The following TMEM18 variants were observed in gnomAD, a reference collection of about 807,000 sequenced individuals.
TMEM18 encodes transmembrane protein 18.
TMEM18 carries 14 observed loss-of-function variants against 17.4 expected under a neutral mutation model. That is an observed-to-expected ratio of 0.80 (90% CI 0.53 to 1.25). The LOEUF (loss-of-function observed/expected upper bound fraction) is 1.25, where lower values mean the gene tolerates loss of function less well. Among genes scored for constraint, TMEM18 ranks in the 50% most tolerant of loss-of-function variants. The pLI, the probability that TMEM18 is intolerant of heterozygous loss-of-function variation, is 0.00. For synonymous variants in TMEM18, 86 were observed against 66.1 expected (o/e 1.30, Z -1.46); for missense variants, 187 against 172.1 (o/e 1.09, Z -0.48).
Position 663,903 on chromosome 2 carries a change from G to C in TMEM18, c.*5677C>G, listed in dbSNP as rs944091611. Reference sequence around the variant, plus strand: ...TTAAAGAGCAAAAAAGCCAACATGAGTAACTTTATTTATAAAGGTGTCACA... The same window carrying C: ...TTAAAGAGCAAAAAAGCCAACATGACTAACTTTATTTATAAAGGTGTCACA... On this transcript the variant is annotated 3_prime_UTR_variant, in exon 5 of 5. Transcript: ENST00000281017. Among the ~76,000 whole-genome samples the C allele has an allele frequency of 2.6e-5, 4 of 152,212 alleles. No individual in the cohort carries two copies. Among genetic ancestry groups the C allele is most frequent in the Non-Finnish European group, 5.9e-5 (4 of 68,040 alleles).
chr2:669,596 C>T lies in TMEM18; in HGVS notation c.407G>A (p.Arg136Lys), dbSNP rs1678783508. 1.9e-6 allele frequency: 3 copies of T among 1,614,202 alleles called. No individual in the cohort carries two copies. Among genetic ancestry groups the T allele is most frequent in the Non-Finnish European group, 2.5e-6 (3 of 1,180,040 alleles). The change falls in exon 5 of 5, where the codon AGA becomes AAA. Residue 136 changes from arginine (R) to lysine (K), a missense_variant. Coordinates refer to ENST00000281017, the MANE Select transcript of TMEM18 (RefSeq NM_152834.4). Reference protein sequence around the residue: ...AQERRKEKKRRRKED With the variant: ...AQERRKEKKRKRKED ...TGCTGCCCCTCAGTCTTCTTTCCTT[C>T]TCCTTTTCTTTTCCTTTCTTCTCTC... is the stretch of plus-strand genomic sequence containing the variant.
chr2:673,595 T>C (rs1465961230), intron 2 of TMEM18, among the ~76,000 whole-genome samples: 1 of 152,186 alleles, frequency 6.6e-6, no homozygotes, highest in Non-Finnish European at 1.5e-5. Context: ...AAAAATCCTT[T>C]CATTCTTCTT....
intron 2 of TMEM18, among the ~76,000 whole-genome samples, chr2:673,925 C>T (rs1004380169): frequency 1.1e-4 from 16 of 151,766 alleles, no homozygotes; most frequent in Admixed American, 5.9e-4. Context: ...GTGGTAGGCA[C>T]GGGAGGAAGG....
At chr2:671,408 C>CCCAGTGAGCCGCT (rs1264642735) in intron 3 of TMEM18, among the ~76,000 whole-genome samples, 12 of 143,834 alleles carry the variant, frequency 8.3e-5, no homozygotes, top group African/African-American at 2.9e-4. Flanking sequence ...AGGCAGGGTC[C>CCCAGTGAGCCGCT]TCCTGGGACT....
At chr2:676,487 A>C in intron 1 of TMEM18, 2 of 1,323,452 alleles carry the variant, frequency 1.5e-6, no homozygotes, top group East Asian at 2.7e-5. Flanking sequence ...CTGTGTCACT[A>C]CTCTCTGCTG....
At chr2:669,880 T>C in intron 3 of TMEM18, 30 bp from the exon 4 acceptor site, 1 of 1,564,424 alleles carries the variant, frequency 6.4e-7, no homozygotes, top group Non-Finnish European at 8.7e-7. Flanking sequence ...AAAAAATTAC[T>C]AGGCAATACA....
rs1678659164 is a variant in TMEM18, at chr2:665,436, G to C, written c.*4144C>G. 1.3e-5 allele frequency among the ~76,000 whole-genome samples: 2 copies of C among 151,092 alleles called. No individual in the cohort carries two copies. The highest frequency in any genetic ancestry group is 6.6e-5 in the Admixed American group (1 of 15,156). ...TCAACCCCACATACAACAGGACCCA[G>C]AGATGCAGATGCTCCACTCACTCAG... On this transcript the variant is annotated 3_prime_UTR_variant, in exon 5 of 5. Coordinates refer to ENST00000281017, the MANE Select transcript of TMEM18 (RefSeq NM_152834.4).
At chr2:676,362 G>C in intron 1 of TMEM18, 1 of 1,420,600 alleles carries the variant, frequency 7.0e-7, no homozygotes, top group Non-Finnish European at 9.3e-7. Flanking sequence ...CCCTCCTTGA[G>C]CGCCCTCCTG....
At position 664,920 on chromosome 2, in the gene TMEM18, AAAT is replaced by A. The variant is rs545121500; in HGVS notation, c.*4657_*4659del. ...AATGTGTTTACTATGCAGGCATTGA[AAAT>A]AATGTTATATAGTGAAATAGCATCA... On this transcript the variant is annotated 3_prime_UTR_variant, in exon 5 of 5. Coordinates refer to ENST00000281017, the MANE Select transcript of TMEM18 (RefSeq NM_152834.4). Among the ~76,000 whole-genome samples, 906 of 152,360 alleles carry A rather than the reference AAAT, an allele frequency of 5.9e-3. 5 individuals are homozygous for A. The highest frequency in any genetic ancestry group is 0.011 in the Non-Finnish European group (727 of 68,036).
chr2:676,250 G>A (rs1659201674), intron 1 of TMEM18: 1 of 1,427,264 alleles, frequency 7.0e-7, no homozygotes, highest in Admixed American at 2.1e-5. Flanking sequence ...TGGGGACAGT[G>A]TCTGGCTCAG....
chr2:668,652 A>C lies in TMEM18; in HGVS notation c.*928T>G, dbSNP rs988812984. ...ATATCTGGGTCTCTAACCACCTGTC[A>C]TTCTTAAACTACAGGTCCACATTTG... On this transcript the variant is annotated 3_prime_UTR_variant, in exon 5 of 5. Coordinates refer to ENST00000281017, the MANE Select transcript of TMEM18 (RefSeq NM_152834.4). The C allele has an allele frequency of 2.0e-5, 3 of 152,246 alleles. No homozygotes were observed. The highest frequency in any genetic ancestry group is 7.2e-5 in the African/African-American group (3 of 41,454). The allele number at this position is 152,246 out of a possible 1,614,324, so 9.4% of individuals were successfully genotyped here.
At chr2:676,000 A>G in intron 1 of TMEM18, 1 of 1,306,300 alleles carries the variant, frequency 7.7e-7, no homozygotes, top group South Asian at 1.3e-5. Context: ...ATTGGTTATG[A>G]TAATTGGTGA....
rs1558180661 is a variant in TMEM18, at chr2:671,410, C to CAGTGAGCCG, written c.233+1397_233+1398insCGGCTCACT. 8.0e-4 allele frequency among the ~76,000 whole-genome samples: 114 copies of CAGTGAGCCG among 142,912 alleles called. 1 individual carries two copies. Among genetic ancestry groups the CAGTGAGCCG allele is most frequent in the African/African-American group, 2.6e-3 (96 of 37,490 alleles). The allele number at this position is 142,912 out of a possible 152,430, so 93.8% of individuals were successfully genotyped here. A position where few individuals can be genotyped will look rare whatever the true frequency, so the allele number is the denominator to read the frequency against. On this transcript the variant is annotated intron_variant, in intron 3 of 4. Coordinates refer to ENST00000281017, the MANE Select transcript of TMEM18 (RefSeq NM_152834.4). ...CATCCGGGAGGAGAGGCAGGGTCCT[C>CAGTGAGCCG]CTGGGACTGAACCATGTGAAGGCCC... is the stretch of plus-strand genomic sequence containing the variant.
intron 3 of TMEM18, among the ~76,000 whole-genome samples, chr2:672,264 C>T (rs1400339794): frequency 6.6e-6 from 1 of 152,206 alleles, no homozygotes; most frequent in Non-Finnish European, 1.5e-5. Context: ...CTGTGTGGTT[C>T]AACCTGGGCA....
At chr2:676,769 G>C in intron 1 of TMEM18, 1 of 890,356 alleles carries the variant, frequency 1.1e-6, no homozygotes, top group South Asian at 1.7e-5. Context: ...GCTCCACCAC[G>C]CACGCCCCGC....
rs1678621777 is a variant in TMEM18, at chr2:664,388, A to G, written c.*5192T>C. 6.6e-6 allele frequency among the ~76,000 whole-genome samples: 1 copy of G among 152,244 alleles called. No homozygotes were observed. Among genetic ancestry groups the G allele is most frequent in the Non-Finnish European group, 1.5e-5 (1 of 68,050 alleles). On this transcript the variant is annotated 3_prime_UTR_variant, in exon 5 of 5. Coordinates refer to ENST00000281017, the MANE Select transcript of TMEM18 (RefSeq NM_152834.4). ...AAGCCAAACTACAGACTAGTAACACATATTTCTGCCCTATATGTGTTACCA... is the reference window on the plus strand; with the variant it reads ...AAGCCAAACTACAGACTAGTAACACGTATTTCTGCCCTATATGTGTTACCA...
chr2:676,910 G>A, intron 1 of TMEM18: 1 of 505,682 alleles, frequency 2.0e-6, no homozygotes, highest in Non-Finnish European at 3.5e-6. Flanking sequence ...ACGCCCGCAC[G>A]GTGCAGGACG....
Position 667,412 on chromosome 2 carries a change from T to C in TMEM18, c.*2168A>G, listed in dbSNP as rs1283924140. The stretch of plus-strand genomic sequence containing the variant: ...CAGGTTTGGAATGTGAAAAATAATT[T>C]TGATCCCAAACCTCCTTTCCTGTAC... On this transcript the variant is annotated 3_prime_UTR_variant, in exon 5 of 5. Coordinates refer to ENST00000281017, the MANE Select transcript of TMEM18 (RefSeq NM_152834.4). The C allele has an allele frequency of 6.6e-6, 1 of 152,212 alleles. No homozygotes were observed. The highest frequency in any genetic ancestry group is 1.5e-5 in the Non-Finnish European group (1 of 68,032). 9.4% of individuals were successfully genotyped at this position (152,212 alleles called of 1,614,324 possible). A position where few individuals can be genotyped will look rare whatever the true frequency, so the allele number is the denominator to read the frequency against.
intron 1 of TMEM18, chr2:676,396 A>T: frequency 1.5e-6 from 2 of 1,351,954 alleles, no homozygotes; most frequent in Non-Finnish European, 2.0e-6. Context: ...CTGCCCTCCA[A>T]GCTGCAGCCC....
Sources: gnomAD v4.1 joint callset for allele counts (sites outside exome capture counted in the v4.1 genomes callset) on GRCh38, gnomAD v4.1.1 for gene constraint, MANE v1.5 for transcripts, NCBI Gene and HGNC (gene_info 2026-07-23, HGNC 2026-07-21) for gene names.